The following PDE1A variants were observed in gnomAD, a reference collection of about 807,000 sequenced individuals.
The protein encoded by PDE1A is dual specificity calcium/calmodulin-dependent 3',5'-cyclic nucleotide phosphodiesterase 1A.
Under a neutral mutation model 61.7 loss-of-function variants are expected in PDE1A, and 35 were observed. The ratio of observed to expected loss-of-function variants is 0.57; its 90% CI spans 0.43 to 0.75. The LOEUF (loss-of-function observed/expected upper bound fraction) is 0.75. Among genes scored for constraint, PDE1A ranks in the 30% least tolerant of loss-of-function variants. The probability of loss-of-function intolerance (pLI) is 0.00; values close to 1 mark genes in which losing one functional copy is unlikely to be tolerated. For missense variants in PDE1A, 597 were observed against 630.6 expected, an observed-to-expected ratio of 0.95 and a Z score of 0.57; for synonymous variants, 232 against 213.2, an observed-to-expected ratio of 1.09 and a Z score of -0.77.
the PDE1A span, among the ~76,000 whole-genome samples, chr2:182,696,480 G>A: frequency 1.3e-5 from 2 of 152,190 alleles, no homozygotes; most frequent in African/African-American, 4.8e-5. Context: ...TTAGTAGGGA[G>A]GAATGAGTAG....
At chr2:182,283,880 A>T (rs1693987338) in intron 1 of PDE1A, among the ~76,000 whole-genome samples, 1 of 152,130 alleles carries the variant, frequency 6.6e-6, no homozygotes, top group South Asian at 2.1e-4. Flanking sequence ...TCCATTATCA[A>T]ACCTCATTTT....
chr2:182,223,103 G>A (rs1026130551), intron 7 of PDE1A, among the ~76,000 whole-genome samples: 3 of 151,950 alleles, frequency 2.0e-5, no homozygotes, highest in South Asian at 2.1e-4. Context: ...GCCCAAGTCC[G>A]TTATGACTGG....
intron 2 of PDE1A, among the ~76,000 whole-genome samples, chr2:182,447,084 G>T (rs1349574635): frequency 6.7e-6 from 1 of 149,786 alleles, no homozygotes; most frequent in Non-Finnish European, 1.5e-5. Flanking sequence ...ACGGCCACTG[G>T]GAAAATGTTT....
At chr2:182,352,714 T>C (rs1335949253) in intron 1 of PDE1A, among the ~76,000 whole-genome samples, 5 of 151,740 alleles carry the variant, frequency 3.3e-5, no homozygotes, top group Admixed American at 6.6e-5. Context: ...ATTTGCTAGC[T>C]GGACTAAAAG....
chr2:182,314,828 G>A (rs1696232244), intron 1 of PDE1A, among the ~76,000 whole-genome samples: 3 of 151,952 alleles, frequency 2.0e-5, no homozygotes, highest in African/African-American at 7.3e-5. Flanking sequence ...TGCATGCAAT[G>A]TATTATATGT....
At chr2:182,267,413 C>T (rs1692707151) in intron 1 of PDE1A, among the ~76,000 whole-genome samples, 1 of 137,396 alleles carries the variant, frequency 7.3e-6, no homozygotes, top group Admixed American at 7.7e-5. Context: ...AAAACCATAT[C>T]CCCTCATGCA....
intron 1 of PDE1A, among the ~76,000 whole-genome samples, chr2:182,307,970 C>A (rs1695704889): frequency 6.6e-6 from 1 of 152,252 alleles, no homozygotes; most frequent in African/African-American, 2.4e-5. Flanking sequence ...TTAGTACAAT[C>A]ATTATGGAAA....
intron 7 of PDE1A, among the ~76,000 whole-genome samples, chr2:182,218,075 A>G (rs1221404546): frequency 1.3e-5 from 2 of 149,748 alleles, no homozygotes; most frequent in Non-Finnish European, 3.0e-5. Flanking sequence ...TACACCATGG[A>G]ATACTATGCA....
the PDE1A span, among the ~76,000 whole-genome samples, chr2:182,669,898 AG>A: frequency 2.4e-3 from 371 of 152,368 alleles, 2 homozygotes; most frequent in African/African-American, 8.5e-3. Context: ...CTTGTCTATT[AG>A]GAACATCTGA....
chr2:182,492,110 C>T (rs777275752), intron 2 of PDE1A, among the ~76,000 whole-genome samples: 6 of 152,084 alleles, frequency 3.9e-5, no homozygotes, highest in Non-Finnish European at 8.8e-5. Flanking sequence ...AATACAGTTG[C>T]CCCATGACCA....
the PDE1A span, among the ~76,000 whole-genome samples, chr2:182,559,373 T>C: frequency 2.6e-5 from 4 of 152,130 alleles, no homozygotes; most frequent in Non-Finnish European, 5.9e-5. Context: ...AATAAAGCCA[T>C]GGGAGAGTGT....
At chr2:182,339,063 T>A (rs1435520129) in intron 1 of PDE1A, among the ~76,000 whole-genome samples, 1 of 152,196 alleles carries the variant, frequency 6.6e-6, no homozygotes, top group East Asian at 1.9e-4. Context: ...GTTTTTTTTC[T>A]ATATGTTTAC....
At chr2:182,695,280 C>A in the PDE1A span, among the ~76,000 whole-genome samples, 1 of 151,994 alleles carries the variant, frequency 6.6e-6, no homozygotes, top group African/African-American at 2.4e-5. Flanking sequence ...CCACTGCCCC[C>A]AAAATTGAGT....
exon 8 of PDE1A, chr2:182,206,004 C>T (rs768697007): frequency 3.1e-6 from 5 of 1,611,818 alleles, no homozygotes; most frequent in Non-Finnish European, 4.2e-6. Context: ...AGTCGATAAG[C>T]TGCACTCACG....
At chr2:182,365,730 C>G (rs1699801154) in intron 1 of PDE1A, among the ~76,000 whole-genome samples, 1 of 151,804 alleles carries the variant, frequency 6.6e-6, no homozygotes, top group Non-Finnish European at 1.5e-5. Context: ...ATGTGCTGAC[C>G]CATCCCAGAA....
At chr2:182,667,107 T>G in the PDE1A span, among the ~76,000 whole-genome samples, 1 of 152,144 alleles carries the variant, frequency 6.6e-6, no homozygotes, top group Middle Eastern at 3.2e-3. Context: ...TAGGTAGAAA[T>G]CCATCACTCT....
intron 1 of PDE1A, among the ~76,000 whole-genome samples, chr2:182,310,828 C>T (rs1002376808): frequency 1.3e-5 from 2 of 152,134 alleles, no homozygotes; most frequent in Non-Finnish European, 2.9e-5. Flanking sequence ...AACTATATCT[C>T]CCAGTGCTTT....
At chr2:182,275,922 T>A (rs989670454) in intron 1 of PDE1A, among the ~76,000 whole-genome samples, 1 of 152,148 alleles carries the variant, frequency 6.6e-6, no homozygotes, top group Admixed American at 6.6e-5. Flanking sequence ...ACTAATACTT[T>A]TACCTTTGGA....
chr2:182,661,011 C>T, the PDE1A span, among the ~76,000 whole-genome samples: 1 of 152,172 alleles, frequency 6.6e-6, no homozygotes. Flanking sequence ...TCTCCAAATG[C>T]CTAGTATTGG....
Sources: gnomAD v4.1 joint callset for allele counts (sites outside exome capture counted in the v4.1 genomes callset) on GRCh38, gnomAD v4.1.1 for gene constraint, MANE v1.5 for transcripts, NCBI Gene and HGNC (gene_info 2026-07-23, HGNC 2026-07-21) for gene names.